The following HDAC9 variants were observed in gnomAD, a reference collection of about 807,000 sequenced individuals.
The protein encoded by HDAC9 is MEF-2 interacting transcription repressor (MITR) protein.
In HDAC9, 41 loss-of-function variants were observed where a neutral mutation model predicts 139.4. The ratio of observed to expected loss-of-function variants is 0.29; its 90% CI spans 0.23 to 0.38. The LOEUF is 0.38. Ranked by LOEUF, HDAC9 falls within the 10% of genes least tolerant of loss-of-function variation. The pLI, the probability that HDAC9 is intolerant of heterozygous loss-of-function variation, is 1.00. For synonymous variants in HDAC9, 517 were observed against 476.2 expected, an observed-to-expected ratio of 1.09 and a Z score of -1.12; for missense variants, 1,147 against 1,297.0, an observed-to-expected ratio of 0.88 and a Z score of 1.78.
At chr7:18,750,677 A>T (rs181934790) in intron 14 of HDAC9, among the ~76,000 whole-genome samples, 1 of 152,194 alleles carries the variant, frequency 6.6e-6, no homozygotes, top group African/African-American at 2.4e-5. Flanking sequence ...CATGTTTCTG[A>T]TACTGCAGTT....
At chr7:18,445,774 A>G (rs914334350) in intron 1 of HDAC9, among the ~76,000 whole-genome samples, 1 of 152,252 alleles carries the variant, frequency 6.6e-6, no homozygotes, top group African/African-American at 2.4e-5. Context: ...ATGCATGGTT[A>G]GTTAAATCAG....
chr7:18,473,189 C>A (rs1794855530), intron 1 of HDAC9, among the ~76,000 whole-genome samples: 1 of 152,188 alleles, frequency 6.6e-6, no homozygotes, highest in Admixed American at 6.5e-5. Context: ...GGATTTGCAG[C>A]AACTTTTATA....
chr7:18,898,099 A>G (rs1408711585), intron 22 of HDAC9, among the ~76,000 whole-genome samples: 1 of 151,804 alleles, frequency 6.6e-6, no homozygotes, highest in Non-Finnish European at 1.5e-5. Flanking sequence ...ACCATTTTAG[A>G]CATTTCTTGG....
At chr7:18,245,434 CA>C (rs1402879083) in intron 2 of HDAC9, among the ~76,000 whole-genome samples, 2 of 152,248 alleles carry the variant, frequency 1.3e-5, no homozygotes, top group Admixed American at 6.5e-5. Flanking sequence ...CATCTTCAAA[CA>C]AAAACTCTAG....
intron 1 of HDAC9, among the ~76,000 whole-genome samples, chr7:18,481,425 G>A (rs1168220817): frequency 1.3e-5 from 2 of 152,082 alleles, no homozygotes; most frequent in African/African-American, 4.8e-5. Context: ...ACAAATAATG[G>A]ACCTTACTTA....
intron 2 of HDAC9, among the ~76,000 whole-genome samples, chr7:18,512,750 A>G (rs116801041): frequency 0.018 from 2,745 of 152,300 alleles, 30 homozygotes; most frequent in Middle Eastern, 0.044. Context: ...ATTATATTTC[A>G]GCACAATGTT....
intron 5 of HDAC9, among the ~76,000 whole-genome samples, chr7:18,592,055 T>C (rs111740428): frequency 0.029 from 4,393 of 152,212 alleles, 138 homozygotes; most frequent in African/African-American, 0.085. Context: ...GTTTAGCAGA[T>C]TGTGATTTTA....
intron 1 of HDAC9, among the ~76,000 whole-genome samples, chr7:18,402,958 C>T (rs138423279): frequency 6.6e-6 from 1 of 152,144 alleles, no homozygotes; most frequent in Admixed American, 6.5e-5. Flanking sequence ...CTTAAGCAAA[C>T]GCAATCACAG....
chr7:18,431,899 A>C (rs113424702), intron 1 of HDAC9, among the ~76,000 whole-genome samples: 306 of 152,290 alleles, frequency 2.0e-3, no homozygotes, highest in African/African-American at 6.9e-3. Flanking sequence ...CACTGTGTTG[A>C]GTACTATTTT....
chr7:18,511,326 A>G (rs1038299697), intron 2 of HDAC9, among the ~76,000 whole-genome samples: 6 of 152,198 alleles, frequency 3.9e-5, no homozygotes, highest in African/African-American at 1.4e-4. Context: ...GGAAAGATCA[A>G]TATCTTTTTC....
chr7:18,935,649 T>C (rs1028533772), intron 22 of HDAC9, among the ~76,000 whole-genome samples, 160 bp from the exon 23 acceptor site: 3 of 152,106 alleles, frequency 2.0e-5, no homozygotes, highest in African/African-American at 2.4e-5. Flanking sequence ...ATAGAGATAA[T>C]AATAGGACCT....
chr7:18,341,190 C>T (rs888409721), intron 1 of HDAC9, among the ~76,000 whole-genome samples: 2 of 150,774 alleles, frequency 1.3e-5, no homozygotes, highest in Non-Finnish European at 3.0e-5. Flanking sequence ...TGATAATGTG[C>T]CTTGGAGTAG....
intron 24 of HDAC9, among the ~76,000 whole-genome samples, chr7:18,970,646 G>A (rs749866757): frequency 2.0e-5 from 3 of 152,010 alleles, no homozygotes; most frequent in African/African-American, 4.8e-5. Flanking sequence ...TCTTAAAAAC[G>A]TATTAAGTTT....
Position 18,921,554 on chromosome 7 carries a change from C to T in HDAC9, c.2804-14255C>T, listed in dbSNP as rs566401145. Among the ~76,000 whole-genome samples the T allele has an allele frequency of 8.9e-3, 1,348 of 152,184 alleles. 25 individuals carry two copies. The highest frequency in any genetic ancestry group is 0.031 in the African/African-American group (1,272 of 41,508). ...TACCATCTCACACCAGTTAGAATGG[C>T]AATCATTAAAAAGTCAGGAAACAAC... is the stretch of plus-strand genomic sequence containing the variant. On this transcript the variant is annotated intron_variant, in intron 22 of 25. Coordinates refer to ENST00000686413, the MANE Select transcript of HDAC9 (RefSeq NM_178425.4).
chr7:18,875,763 A>G (rs142259943), intron 22 of HDAC9, among the ~76,000 whole-genome samples: 253 of 152,278 alleles, frequency 1.7e-3, no homozygotes, highest in African/African-American at 5.8e-3. Flanking sequence ...TGTTATTATT[A>G]TCCATGGAAC....
intron 1 of HDAC9, among the ~76,000 whole-genome samples, chr7:18,388,879 G>T (rs1786196684): frequency 6.6e-6 from 1 of 152,136 alleles, no homozygotes; most frequent in Non-Finnish European, 1.5e-5. Flanking sequence ...TAATTTTTCA[G>T]CTCTTCAAAG....
intron 1 of HDAC9, among the ~76,000 whole-genome samples, chr7:18,347,675 G>GTAA (rs1322507095): frequency 2.0e-5 from 3 of 152,060 alleles, no homozygotes; most frequent in Non-Finnish European, 4.4e-5. Context: ...TCGGCTCACT[G>GTAA]TAACCTCTGC....
intron 2 of HDAC9, among the ~76,000 whole-genome samples, chr7:18,218,458 A>C (rs1186836633): frequency 6.6e-6 from 1 of 151,986 alleles, no homozygotes; most frequent in Non-Finnish European, 1.5e-5. Flanking sequence ...TAAATAAATA[A>C]ATAAATAAAT....
At chr7:18,881,373 G>T (rs1799727519) in intron 22 of HDAC9, among the ~76,000 whole-genome samples, 2 of 151,938 alleles carry the variant, frequency 1.3e-5, no homozygotes, top group African/African-American at 2.4e-5. Context: ...TCTTCTCAAT[G>T]GATATTTATT....
Sources: gnomAD v4.1 joint callset for allele counts (sites outside exome capture counted in the v4.1 genomes callset) on GRCh38, gnomAD v4.1.1 for gene constraint, MANE v1.5 for transcripts, NCBI Gene and HGNC (gene_info 2026-07-23, HGNC 2026-07-21) for gene names.